Variants in GFM2 observed in about 807,000 individuals in gnomAD.
The protein encoded by GFM2 is ribosome-releasing factor 2, mitochondrial.
In GFM2, 72 loss-of-function variants were observed where a neutral mutation model predicts 95.4. That is an observed-to-expected ratio of 0.76 (90% confidence interval 0.62 to 0.92). The LOEUF (loss-of-function observed/expected upper bound fraction) is 0.92. GFM2 is among the 40% of genes least tolerant of loss of function. GFM2 has a pLI of 0.00. For synonymous variants in GFM2, 276 were observed against 317.5 expected, an observed-to-expected ratio of 0.87 and a Z score of 1.39; for missense variants, 825 against 924.1, an observed-to-expected ratio of 0.89 and a Z score of 1.39.
intron 7 of GFM2, among the ~76,000 whole-genome samples, chr5:74,748,936 T>A (rs1235534511): frequency 5.0e-5 from 7 of 140,446 alleles, no homozygotes; most frequent in East Asian, 2.0e-4. Flanking sequence ...ATAAAAAAAA[T>A]AAAAAATAAA....
At chr5:74,766,089 C>T (rs1744579721) in intron 1 of GFM2, among the ~76,000 whole-genome samples, 1 of 152,154 alleles carries the variant, frequency 6.6e-6, no homozygotes, top group African/African-American at 2.4e-5. Context: ...GTGGATCGCT[C>T]GTACCCGGGA....
intron 12 of GFM2, 62 bp downstream of exon 12, chr5:74,739,927 A>G (rs1170237435): frequency 5.9e-6 from 7 of 1,193,414 alleles, no homozygotes; most frequent in Non-Finnish European, 7.9e-6. Flanking sequence ...TTTTCATAAA[A>G]GTATTTGCCT....
intron 17 of GFM2, 41 bp downstream of exon 17, chr5:74,730,219 G>C: frequency 1.9e-6 from 3 of 1,561,414 alleles, no homozygotes; most frequent in Admixed American, 3.8e-5. Flanking sequence ...AAGAAAGACA[G>C]AAAGAGAGAA....
intron 3 of GFM2, among the ~76,000 whole-genome samples, chr5:74,759,729 A>G (rs943113699): frequency 6.6e-6 from 1 of 152,166 alleles, no homozygotes; most frequent in African/African-American, 2.4e-5. Flanking sequence ...TTGTAGAACT[A>G]GAATAAATGC....
intron 17 of GFM2, 124 bp from the exon 18 acceptor site, chr5:74,726,250 T>G (rs939309990): frequency 1.6e-6 from 1 of 629,868 alleles, no homozygotes; most frequent in African/African-American, 1.9e-5. Flanking sequence ...GAGAGAATAT[T>G]AACAATGGCA....
rs757368541 is a variant in GFM2 at position 74,746,097 on chromosome 5, C to T, written c.669+8G>A. The T allele has an allele frequency of 1.3e-6, 2 of 1,533,236 alleles. No individual in the cohort carries two copies. The highest frequency in any genetic ancestry group is 1.4e-5 in the African/African-American group (1 of 71,528). 95.0% of individuals were successfully genotyped at this position (1,533,236 alleles called of 1,614,324 possible). On this transcript the variant is annotated splice_region_variant and intron_variant, in intron 9 of 20. Coordinates refer to ENST00000296805, the MANE Select transcript of GFM2 (RefSeq NM_032380.5). ...CTGAGAAGAAGCTGATGCTATTAAC[C>T]AATTTACCTGTAAAAGCAAAGGCTT...
At chr5:74,739,184 A>G (rs1742989892) in intron 12 of GFM2, among the ~76,000 whole-genome samples, 2 of 152,106 alleles carry the variant, frequency 1.3e-5, no homozygotes, top group Non-Finnish European at 2.9e-5. Context: ...CCATATTTTC[A>G]TTAGTTTCAA....
intron 15 of GFM2, chr5:74,733,320 G>T: frequency 4.2e-5 from 13 of 311,742 alleles, no homozygotes; most frequent in South Asian, 1.3e-4. Flanking sequence ...GCGAAACCCC[G>T]TCTTTACAAA....
At chr5:74,760,280 T>G (rs560888350) in intron 3 of GFM2, among the ~76,000 whole-genome samples, 5 of 152,278 alleles carry the variant, frequency 3.3e-5, no homozygotes, top group African/African-American at 1.2e-4. Flanking sequence ...CGTAGCCCAT[T>G]AAATTAATCT....
chr5:74,737,055 CA>C (rs1489873904), intron 14 of GFM2, 70 bp from the exon 15 acceptor site: 20 of 1,482,824 alleles, frequency 1.3e-5, no homozygotes, highest in Non-Finnish European at 1.6e-5. Flanking sequence ...CCAAGAACCA[CA>C]ATATAAGAAA....
chr5:74,728,535 C>T (rs553442628), intron 17 of GFM2, among the ~76,000 whole-genome samples: 1 of 152,138 alleles, frequency 6.6e-6, no homozygotes, highest in East Asian at 1.9e-4. Flanking sequence ...ACTTTAAACC[C>T]ATGTTGTTCA....
intron 17 of GFM2, among the ~76,000 whole-genome samples, chr5:74,729,470 T>C (rs1750311443): frequency 6.6e-6 from 1 of 152,234 alleles, no homozygotes; most frequent in Admixed American, 6.5e-5. Context: ...GAAAATTCTA[T>C]TACATTCTAG....
chr5:74,735,797 A>G (rs868686162), intron 15 of GFM2, among the ~76,000 whole-genome samples: 1 of 152,164 alleles, frequency 6.6e-6, no homozygotes, highest in African/African-American at 2.4e-5. Context: ...AGAGGGTCAA[A>G]ATGAAGGCGG....
intron 3 of GFM2, among the ~76,000 whole-genome samples, chr5:74,760,094 T>C (rs1744198234): frequency 6.6e-6 from 1 of 152,212 alleles, no homozygotes; most frequent in South Asian, 2.1e-4. Flanking sequence ...CATTTGTAAA[T>C]TTAATTAAAG....
At chr5:74,747,374 T>C (rs1181406684) in intron 8 of GFM2, among the ~76,000 whole-genome samples, 3 of 152,216 alleles carry the variant, frequency 2.0e-5, no homozygotes. Context: ...TTCAGCAATA[T>C]AGGGACTATA....
chr5:74,738,618 A>T lies in GFM2; in HGVS notation c.1104T>A (p.Cys368Ter), dbSNP rs1370043372. 7 of 1,613,276 alleles carry T rather than the reference A, an allele frequency of 4.3e-6. No individual in the cohort carries two copies. The highest frequency in any genetic ancestry group is 5.1e-6 in the Non-Finnish European group (6 of 1,179,578). Reference sequence around the variant, plus strand: ...CATGGAGAACTTTAAATGCCAATGCACATAAGTCATCCTTATACCACTGCC... The same window carrying T: ...CATGGAGAACTTTAAATGCCAATGCTCATAAGTCATCCTTATACCACTGCC... ...EFLQWYKDDL[C>*]ALAFKVLHDK... Residue 368 changes from cysteine (C) to a stop codon, truncating the protein, a stop_gained, in exon 13 of 21, where the codon TGT (cysteine) becomes TGA (stop). Transcript: ENST00000296805. LOFTEE classifies it high-confidence loss of function.
chr5:74,725,593 C>T, intron 19 of GFM2, 47 bp downstream of exon 19: 2 of 1,284,994 alleles, frequency 1.6e-6, no homozygotes, highest in Non-Finnish European at 2.3e-6. Context: ...TGGTACTATA[C>T]TCAGAAGAGT....
intron 5 of GFM2, among the ~76,000 whole-genome samples, chr5:74,753,070 T>C (rs1022448102): frequency 7.9e-5 from 12 of 151,862 alleles, no homozygotes; most frequent in Non-Finnish European, 2.9e-5. Context: ...AAAATCTAAA[T>C]TGCCAGAAAA....
At position 74,766,717 on chromosome 5, in the gene GFM2, T is replaced by A. The variant is rs183976132; in HGVS notation, c.-25+221A>T. Among the ~76,000 whole-genome samples the A allele has an allele frequency of 4.0e-3, 602 of 152,338 alleles. 2 individuals carry two copies. Among genetic ancestry groups the A allele is most frequent in the African/African-American group, 0.014 (580 of 41,568 alleles). The stretch of plus-strand genomic sequence containing the variant: ...TTTCATTCCTCAGTATCCTTCACAA[T>A]CATGCACACATTACACAGAGTGACC... On this transcript the variant is annotated intron_variant, in intron 1 of 20. Transcript: ENST00000296805.
Sources: allele counts gnomAD v4.1 joint callset (sites outside exome capture counted in the v4.1 genomes callset), GRCh38; gene constraint gnomAD v4.1.1; transcripts MANE v1.5; gene names NCBI Gene and HGNC (gene_info 2026-07-23, HGNC 2026-07-21).